Variants in EML6 observed in about 807,000 individuals in gnomAD.
EML6 encodes the protein EMAP like 6, also known as echinoderm microtubule-associated protein-like 6.
A neutral mutation model predicts 240.1 loss-of-function variants in EML6; 154 were observed. The ratio of observed to expected loss-of-function variants is 0.64; its 90% confidence interval spans 0.56 to 0.73. The LOEUF (loss-of-function observed/expected upper bound fraction) is 0.73. Among genes scored for constraint, EML6 ranks in the 30% least tolerant of loss-of-function variants. The pLI, the probability that EML6 is intolerant of heterozygous loss-of-function variation, is 0.00. For missense variants in EML6, 2,964 were observed against 2,474.6 expected (o/e 1.20, Z -4.20); for synonymous variants, 1,148 against 899.0 (o/e 1.28, Z -4.95).
At chr2:54,912,627 A>G (rs188947663) in intron 25 of EML6, among the ~76,000 whole-genome samples, 9 of 152,234 alleles carry the variant, frequency 5.9e-5, no homozygotes, top group South Asian at 2.1e-4. Flanking sequence ...TGTGTACCCA[A>G]TGCTTTATTC....
chr2:54,962,429 TTC>T (rs1676561788), intron 35 of EML6, 92 bp from the exon 36 acceptor site: 2 of 973,752 alleles, frequency 2.1e-6, no homozygotes, highest in African/African-American at 1.7e-5. Flanking sequence ...TCATTCTACT[TTC>T]TGTCTCCATG....
At chr2:54,890,894 G>C (rs527764118) in intron 17 of EML6, among the ~76,000 whole-genome samples, 160 bp from the exon 18 acceptor site, 1 of 152,142 alleles carries the variant, frequency 6.6e-6, no homozygotes, top group Non-Finnish European at 1.5e-5. Flanking sequence ...AAAAGCCAAA[G>C]CTCGTTATTT....
chr2:54,795,552 A>T (rs1203012142), intron 2 of EML6, among the ~76,000 whole-genome samples: 4 of 152,158 alleles, frequency 2.6e-5, no homozygotes, highest in Non-Finnish European at 4.4e-5. Context: ...ATAGGGACCA[A>T]TTTAAAAAGC....
intron 11 of EML6, 131 bp from the exon 12 acceptor site, chr2:54,859,385 TTGGTTATTTGTTACAATA>T (rs1670556728): frequency 3.1e-6 from 2 of 637,218 alleles, no homozygotes; most frequent in South Asian, 4.2e-5. Flanking sequence ...TTTGAAGCAT[TTGGTTATTTGTTACAATA>T]TGTAAGACGG....
intron 28 of EML6, among the ~76,000 whole-genome samples, chr2:54,938,968 C>G (rs1475744054): frequency 2.0e-5 from 3 of 152,162 alleles, no homozygotes; most frequent in African/African-American, 7.2e-5. Flanking sequence ...TAAAGCTCTC[C>G]TCTCCCAAGT....
intron 2 of EML6, among the ~76,000 whole-genome samples, chr2:54,775,102 G>T (rs1424323408): frequency 6.6e-6 from 1 of 152,326 alleles, no homozygotes; most frequent in African/African-American, 2.4e-5. Context: ...AGTCTAACTG[G>T]TGTGCCAGTT....
intron 2 of EML6, among the ~76,000 whole-genome samples, chr2:54,811,739 A>C (rs1667858198): frequency 1.3e-5 from 2 of 152,210 alleles, no homozygotes; most frequent in African/African-American, 4.8e-5. Context: ...GGCATGCCAT[A>C]ATCTTGCAGT....
chr2:54,937,143 G>T (rs1484715843), intron 28 of EML6, among the ~76,000 whole-genome samples: 1 of 151,766 alleles, frequency 6.6e-6, no homozygotes, highest in East Asian at 1.9e-4. Flanking sequence ...GCTGGCTGTG[G>T]TGCACATGCC....
chr2:54,736,343 G>A (rs990273752), intron 2 of EML6, among the ~76,000 whole-genome samples: 2 of 152,192 alleles, frequency 1.3e-5, no homozygotes, highest in Admixed American at 6.5e-5. Context: ...TCAGAAGAGG[G>A]AGCGTGGCAT....
chr2:54,889,227 CT>C (rs1476285626), intron 17 of EML6, among the ~76,000 whole-genome samples: 44 of 152,202 alleles, frequency 2.9e-4, no homozygotes, highest in African/African-American at 9.6e-4. Context: ...CCTAGGAGAG[CT>C]ACTCTCTGCA....
At chr2:54,772,660 T>C (rs1668447262) in intron 2 of EML6, among the ~76,000 whole-genome samples, 1 of 152,188 alleles carries the variant, frequency 6.6e-6, no homozygotes. Context: ...CTCTGCGGTG[T>C]AGTTAACATT....
At chr2:54,960,748 G>A (rs373198925) in intron 35 of EML6, among the ~76,000 whole-genome samples, 1 of 152,106 alleles carries the variant, frequency 6.6e-6, no homozygotes, top group Non-Finnish European at 1.5e-5. Flanking sequence ...GAGGGTAAGG[G>A]CCACCAAACT....
chr2:54,830,294 G>T (rs1558587074), intron 7 of EML6, among the ~76,000 whole-genome samples: 1 of 152,172 alleles, frequency 6.6e-6, no homozygotes, highest in Non-Finnish European at 1.5e-5. Flanking sequence ...AGCACAGGTT[G>T]GGAGGTTCTG....
chr2:54,916,409 G>A (rs1218500113), intron 25 of EML6, among the ~76,000 whole-genome samples: 3 of 152,178 alleles, frequency 2.0e-5, no homozygotes, highest in African/African-American at 7.2e-5. Flanking sequence ...GAATTTTCCA[G>A]CCTAAGACAT....
At chr2:54,853,437 C>T (rs1012463146) in intron 10 of EML6, among the ~76,000 whole-genome samples, 5 of 76,414 alleles carry the variant, frequency 6.5e-5, no homozygotes, top group African/African-American at 2.1e-4. Context: ...CTGAATATTT[C>T]ATCATTTTCT....
chr2:54,938,738 T>A (rs532236209), intron 28 of EML6, among the ~76,000 whole-genome samples: 16 of 152,360 alleles, frequency 1.1e-4, no homozygotes, highest in South Asian at 1.0e-3. Context: ...ATGGGTTCCT[T>A]GGACATCTTC....
chr2:54,801,634 G>A (rs923295731), intron 2 of EML6, among the ~76,000 whole-genome samples: 2 of 152,198 alleles, frequency 1.3e-5, no homozygotes, highest in African/African-American at 4.8e-5. Context: ...AGGAAAATCG[G>A]TGACCTTGAA....
At chr2:54,897,016 TTTG>T (rs765662039) in intron 21 of EML6, among the ~76,000 whole-genome samples, 1 of 152,212 alleles carries the variant, frequency 6.6e-6, no homozygotes, top group South Asian at 2.1e-4. Context: ...TGTTCTTGCT[TTTG>T]TTGTTTTCTT....
chr2:54,968,108 C>A lies in EML6; in HGVS notation c.5598-20C>A, dbSNP rs561603822. On this transcript the variant is annotated intron_variant, in intron 39 of 41. Coordinates refer to ENST00000356458, the MANE Select transcript of EML6 (RefSeq NM_001039753.4). Reference sequence around the variant, plus strand: ...CGCCGTGACTTCCTTCTATCCTAACCCCTCTTTCTGTTGGAACAGCGTCCT... The same window carrying A: ...CGCCGTGACTTCCTTCTATCCTAACACCTCTTTCTGTTGGAACAGCGTCCT... 2.6e-6 allele frequency: 4 copies of A among 1,550,134 alleles called. No individual in the cohort carries two copies. In the South Asian group the frequency reaches 3.6e-5, roughly 14 times the overall value.
Sources: gnomAD v4.1 joint callset for allele counts (sites outside exome capture counted in the v4.1 genomes callset) on GRCh38, gnomAD v4.1.1 for gene constraint, MANE v1.5 for transcripts, NCBI Gene and HGNC (gene_info 2026-07-23, HGNC 2026-07-21) for gene names.